Variants in RBL1 observed in about 807,000 individuals in gnomAD.
The protein encoded by RBL1 is RB transcriptional corepressor like 1.
A neutral mutation model predicts 123.0 loss-of-function variants in RBL1; 82 were observed. That is an observed-to-expected ratio of 0.67 (90% CI 0.56 to 0.80). The LOEUF (loss-of-function observed/expected upper bound fraction) is 0.80, where lower values mean the gene tolerates loss of function less well. Ranked by LOEUF, RBL1 falls within the 30% of genes least tolerant of loss-of-function variation. The pLI is 0.00. For missense variants in RBL1, 1,171 were observed against 1,299.6 expected (o/e 0.90, Z 1.52); for synonymous variants, 405 against 441.3 (o/e 0.92, Z 1.03).
intron 16 of RBL1, among the ~76,000 whole-genome samples, chr20:37,032,446 TG>T (rs2064527935): frequency 1.3e-5 from 2 of 152,070 alleles, no homozygotes; most frequent in Non-Finnish European, 2.9e-5. Flanking sequence ...AATTTCAGAA[TG>T]GGAAGACGAA....
At chr20:37,092,493 G>A (rs780876379) in intron 1 of RBL1, among the ~76,000 whole-genome samples, 1 of 151,996 alleles carries the variant, frequency 6.6e-6, no homozygotes, top group East Asian at 1.9e-4. Flanking sequence ...CTTAGCCTCT[G>A]GAGTAGCTGG....
chr20:37,047,045 C>A lies in RBL1; in HGVS notation c.1605+8G>T. 1 of 1,576,224 alleles carries A rather than the reference C, an allele frequency of 6.3e-7. No homozygotes were observed. The highest frequency in any genetic ancestry group is 2.2e-5 in the Admixed American group (1 of 46,278). On this transcript the variant is annotated splice_region_variant and intron_variant, in intron 12 of 21. Transcript: ENST00000373664. The stretch of plus-strand genomic sequence containing the variant: ...TCATCTCATAACAGAACTTTGTTTT[C>A]ATCTCACCTTATAAAAGTAAAATGG...
At chr20:37,003,462 G>A (rs1307345703) in intron 21 of RBL1, 2 of 771,696 alleles carry the variant, frequency 2.6e-6, no homozygotes, top group Non-Finnish European at 3.3e-6. Flanking sequence ...GATCTTGCTT[G>A]AACAGGAAAA....
rs747990553 is a variant in RBL1 at position 37,095,773 on chromosome 20, C to A, written c.156G>T (p.Glu52Asp). Residue 52 changes from glutamate (E) to aspartate (D), a missense_variant and splice_region_variant, in exon 1 of 22, where the codon GAG becomes GAT. By Grantham distance (45) the Glu-to-Asp change is conservative (BLOSUM62 2). Coordinates refer to ENST00000373664, the MANE Select transcript of RBL1 (RefSeq NM_002895.5). The part of the protein sequence containing the change: ...FTAIRGNYSL[E>D]GEVTHWLACS... ...GGCCGCCCCACCTGCTGCCGCTCAC[C>A]TCTAGGCTGTAGTTGCCTCGGATGG... The A allele has an allele frequency of 1.9e-6, 3 of 1,606,670 alleles. No individual in the cohort carries two copies. Among genetic ancestry groups the A allele is most frequent in the Non-Finnish European group, 2.5e-6 (3 of 1,176,702 alleles).
At chr20:37,067,150 A>G in intron 4 of RBL1, 29 bp from the exon 5 acceptor site, 1 of 1,561,962 alleles carries the variant, frequency 6.4e-7, no homozygotes, top group Non-Finnish European at 8.6e-7. Context: ...AAAAAAAAAG[A>G]CACAAAAACC....
At chr20:37,017,651 T>TGA (rs1555850085) in intron 19 of RBL1, among the ~76,000 whole-genome samples, 2 of 151,176 alleles carry the variant, frequency 1.3e-5, no homozygotes, top group South Asian at 2.1e-4. Flanking sequence ...TGTGTGTGTG[T>TGA]GACAGAGTCT....
chr20:37,025,693 T>C (rs1417121703), intron 16 of RBL1, among the ~76,000 whole-genome samples: 2 of 151,734 alleles, frequency 1.3e-5, no homozygotes, highest in Non-Finnish European at 2.9e-5. Flanking sequence ...CATCATGGAC[T>C]GAGTTAGAAA....
rs913865432 is a variant in RBL1 at position 37,005,045 on chromosome 20, GAAA to G, written c.2872-1182_2872-1180del. 4.5e-4 allele frequency among the ~76,000 whole-genome samples: 67 copies of G among 149,288 alleles called. 1 individual carries two copies. The highest frequency in any genetic ancestry group is 2.2e-4 in the Non-Finnish European group (15 of 67,084). On this transcript the variant is annotated intron_variant, in intron 20 of 21. Coordinates refer to ENST00000373664, the MANE Select transcript of RBL1 (RefSeq NM_002895.5). ...GACAGAGTGAGACTCTGTCTCAAAAGAAAAAAAAAATTCTGGACAAGACACCAG... is the reference window on the plus strand; with the variant it reads ...GACAGAGTGAGACTCTGTCTCAAAAGAAAAAAATTCTGGACAAGACACCAG...
chr20:37,087,630 T>C (rs1485989694), intron 2 of RBL1, among the ~76,000 whole-genome samples: 1 of 152,108 alleles, frequency 6.6e-6, no homozygotes. Flanking sequence ...AAAGTGATTG[T>C]GGATTATATT....
rs183960787 is a variant in RBL1, at chr20:37,050,462, G to A, written c.1468-3272C>T. On this transcript the variant is annotated intron_variant, in intron 11 of 21. Coordinates refer to ENST00000373664, the MANE Select transcript of RBL1 (RefSeq NM_002895.5). The stretch of plus-strand genomic sequence containing the variant: ...TGGGAGGCTGAGGCAGGAGAATGGC[G>A]TGAACCTGGGAGGCGGAGCTTGCAG... 4.1e-3 allele frequency among the ~76,000 whole-genome samples: 586 copies of A among 142,792 alleles called. 2 individuals carry two copies. Among genetic ancestry groups the A allele is most frequent in the Middle Eastern group, 0.015 (4 of 270 alleles). 93.7% of individuals were successfully genotyped at this position (142,792 alleles called of 152,430 possible). A position where few individuals can be genotyped will look rare whatever the true frequency, so the allele number is the denominator to read the frequency against.
intron 11 of RBL1, among the ~76,000 whole-genome samples, chr20:37,051,031 G>A (rs1325612195): frequency 6.6e-6 from 1 of 151,330 alleles, no homozygotes; most frequent in Non-Finnish European, 1.5e-5. Flanking sequence ...TTTGTTTTTA[G>A]GGATGGGGTC....
rs2075195486 is a variant in RBL1 at position 37,018,335 on chromosome 20, C to T, written c.2666G>A (p.Arg889Lys). 2 of 1,611,790 alleles carry T rather than the reference C, an allele frequency of 1.2e-6. No homozygotes were observed. The highest frequency in any genetic ancestry group is 1.7e-5 in the Admixed American group (1 of 59,520). ...YRSVLLKSIP[R>K]EVVAYNKNIN... ...ATTTTTATTATATGCCACAACTTCT[C>T]TTGGAATACTTTTCAGCAGAACACT... is the stretch of plus-strand genomic sequence containing the variant. Residue 889 changes from arginine to lysine, a missense_variant, in exon 19 of 22, where the codon AGA (arginine) becomes AAA (lysine). By Grantham distance (26) the Arg-to-Lys change is conservative (BLOSUM62 2). Transcript: ENST00000373664.
chr20:37,023,674 T>A (rs1191287568), intron 16 of RBL1, among the ~76,000 whole-genome samples: 1 of 152,098 alleles, frequency 6.6e-6, no homozygotes, highest in African/African-American at 2.4e-5. Context: ...GAAAATAAAT[T>A]CAGTTCAATT....
intron 2 of RBL1, among the ~76,000 whole-genome samples, chr20:37,088,025 G>A (rs2065577203): frequency 6.6e-6 from 1 of 152,212 alleles, no homozygotes; most frequent in African/African-American, 2.4e-5. Context: ...AGCATTTAGG[G>A]AGGCTGAGGC....
At chr20:37,065,526 C>T in intron 6 of RBL1, 53 bp from the exon 7 acceptor site, 2 of 1,162,504 alleles carry the variant, frequency 1.7e-6, no homozygotes, top group Non-Finnish European at 2.5e-6. Flanking sequence ...TATTAATACA[C>T]ACACAAACGT....
chr20:37,007,164 G>A (rs916326089), intron 20 of RBL1, among the ~76,000 whole-genome samples: 2 of 152,004 alleles, frequency 1.3e-5, no homozygotes, highest in East Asian at 1.9e-4. Flanking sequence ...TGGGAGGATC[G>A]CTTGAGGCCT....
intron 18 of RBL1, among the ~76,000 whole-genome samples, chr20:37,019,532 C>T (rs527377121): frequency 1.3e-5 from 2 of 152,280 alleles, no homozygotes; most frequent in African/African-American, 4.8e-5. Flanking sequence ...TAGCTTATCA[C>T]AGGATATAAC....
intron 16 of RBL1, among the ~76,000 whole-genome samples, chr20:37,025,178 C>T (rs371568167): frequency 2.2e-4 from 33 of 152,136 alleles, no homozygotes; most frequent in African/African-American, 5.1e-4. Context: ...ATAACAGAAC[C>T]CTTAACATTT....
intron 9 of RBL1, among the ~76,000 whole-genome samples, chr20:37,057,617 T>C (rs1411048836): frequency 1.3e-5 from 2 of 152,212 alleles, no homozygotes; most frequent in East Asian, 3.8e-4. Flanking sequence ...TTAACTAATA[T>C]ATGGTTTACA....
Sources: gnomAD v4.1 joint callset for allele counts (sites outside exome capture counted in the v4.1 genomes callset) on GRCh38, gnomAD v4.1.1 for gene constraint, MANE v1.5 for transcripts, NCBI Gene and HGNC (gene_info 2026-07-23, HGNC 2026-07-21) for gene names.